Variants in RFX2 observed in about 807,000 individuals in gnomAD.
The protein encoded by RFX2 is DNA-binding protein RFX2.
A neutral mutation model predicts 87.8 loss-of-function variants in RFX2; 20 were observed. The observed-to-expected ratio is 0.23, with a 90% CI of 0.16 to 0.33. The LOEUF is 0.33. RFX2 is among the 10% of genes least tolerant of loss of function. RFX2 has a pLI of 1.00. For missense variants in RFX2, 767 were observed against 1,012.3 expected (o/e 0.76, Z 3.29); for synonymous variants, 397 against 431.3 (o/e 0.92, Z 0.98).
In RFX2 at chr19:6,024,489, G is replaced by A. The variant is rs998593420; in HGVS notation, c.597+1674C>T. Among the ~76,000 whole-genome samples the A allele has an allele frequency of 2.0e-5, 3 of 152,114 alleles. No homozygotes were observed. Among genetic ancestry groups the A allele is most frequent in the Non-Finnish European group, 2.9e-5 (2 of 68,024 alleles). On this transcript the variant is annotated intron_variant, in intron 6 of 17. Coordinates refer to ENST00000303657, the MANE Select transcript of RFX2 (RefSeq NM_000635.4). This position sits in a 1 kb window ranked among gnomAD's most constrained non-coding sequence, Gnocchi z 5.0. Reference sequence around the variant, plus strand: ...TTGTCTTTTTTGCTTCAAGACAATCGGCAGAAGGAAATATTTCTGCCATTT... The same window carrying A: ...TTGTCTTTTTTGCTTCAAGACAATCAGCAGAAGGAAATATTTCTGCCATTT...
At chr19:6,043,785 G>C (rs1599878163) in intron 3 of RFX2, among the ~76,000 whole-genome samples, 2 of 152,232 alleles carry the variant, frequency 1.3e-5, no homozygotes, top group East Asian at 3.8e-4. Flanking sequence ...TTCAAACTTT[G>C]TTCTTAGATA....
At chr19:6,072,766 G>C (rs1027751113) in intron 1 of RFX2, 13 of 627,068 alleles carry the variant, frequency 2.1e-5, no homozygotes, top group African/African-American at 3.8e-5. Context: ...AGAAAAAAAA[G>C]GCCCCTCTCT....
At chr19:6,107,977 A>C (rs1413282603) in intron 1 of RFX2, among the ~76,000 whole-genome samples, 1 of 152,234 alleles carries the variant, frequency 6.6e-6, no homozygotes, top group Non-Finnish European at 1.5e-5. Flanking sequence ...ATTTCAAAGA[A>C]CTTGTCCTGT....
rs528490243 is a variant in RFX2, at chr19:6,080,759, G to A, written c.-9+29634C>T. On this transcript the variant is annotated intron_variant, in intron 1 of 17. Transcript: ENST00000303657. ...GAGTTTTAAAATTCCAATTGCTGTCGGGGCTCAGTGGCTTATGCTTGTAAT... is the reference window on the plus strand; with the variant it reads ...GAGTTTTAAAATTCCAATTGCTGTCAGGGCTCAGTGGCTTATGCTTGTAAT... 2.3e-3 allele frequency among the ~76,000 whole-genome samples: 352 copies of A among 152,176 alleles called. 2 individuals are homozygous for A. Among genetic ancestry groups the A allele is most frequent in the Non-Finnish European group, 4.2e-3 (287 of 68,000 alleles).
intron 12 of RFX2, among the ~76,000 whole-genome samples, chr19:6,006,610 C>T (rs568462192): frequency 3.9e-5 from 6 of 151,950 alleles, no homozygotes; most frequent in East Asian, 1.9e-4. Flanking sequence ...CCACCATGCC[C>T]GGCTAAATCT....
chr19:6,052,864 T>A (rs772090719), intron 1 of RFX2, among the ~76,000 whole-genome samples: 2 of 152,086 alleles, frequency 1.3e-5, no homozygotes, highest in African/African-American at 2.4e-5. Flanking sequence ...ACACTTTGTA[T>A]CAAAATTTGT....
Position 6,002,990 on chromosome 19 carries a change from C to G in RFX2, c.1501-120G>C. The G allele has an allele frequency of 8.6e-7, 1 of 1,160,028 alleles. No homozygotes were observed. The highest frequency in any genetic ancestry group is 1.2e-6 in the Non-Finnish European group (1 of 832,026). 71.9% of individuals were successfully genotyped at this position (1,160,028 alleles called of 1,614,324 possible). ...GGAGGAGGGAGCAGGAAACAGCAAC[C>G]TGGGCAGGGAAGAGGGAACCTCCTG... On this transcript the variant is annotated intron_variant, in intron 13 of 17. Coordinates refer to ENST00000303657, the MANE Select transcript of RFX2 (RefSeq NM_000635.4). The surrounding 1 kb of genome is among the most constrained non-coding windows in gnomAD (Gnocchi z 6.7).
chr19:6,093,830 A>G (rs917688174), intron 1 of RFX2, among the ~76,000 whole-genome samples: 7 of 152,220 alleles, frequency 4.6e-5, no homozygotes, highest in Admixed American at 2.6e-4. Flanking sequence ...TGCTAAAAAC[A>G]GCCAGTCACA....
At chr19:6,098,965 CAAAAAAA>C (rs34110529) in intron 1 of RFX2, among the ~76,000 whole-genome samples, 29 of 52,792 alleles carry the variant, frequency 5.5e-4, no homozygotes, top group African/African-American at 1.3e-3. Context: ...GCTTGAACCA[CAAAAAAA>C]AAAAAAAAAA....
At position 6,026,695 on chromosome 19, in the gene RFX2, C is replaced by T. The variant is rs1047013515; in HGVS notation, c.523-458G>A. On this transcript the variant is annotated intron_variant, in intron 5 of 17. Transcript: ENST00000303657. This position sits in a 1 kb window ranked among gnomAD's most constrained non-coding sequence, Gnocchi z 4.5. ...TGACTCCCCAGCCAGGCTGTCCTGT[C>T]GCAAATCCCAGGGTCTCCCCGCTGC... The T allele has an allele frequency of 1.6e-5, 3 of 186,366 alleles. No individual in the cohort carries two copies. The highest frequency in any genetic ancestry group is 9.0e-5 in the South Asian group (1 of 11,142). The allele number at this position is 186,366 out of a possible 1,614,324, so 11.5% of individuals were successfully genotyped here. A position where few individuals can be genotyped will look rare whatever the true frequency, so the allele number is the denominator to read the frequency against.
chr19:6,088,121 A>G (rs2087880311), intron 1 of RFX2, among the ~76,000 whole-genome samples: 2 of 150,306 alleles, frequency 1.3e-5, no homozygotes, highest in Admixed American at 1.3e-4. Context: ...AGCCCTTCCC[A>G]GCCCAGAGTG....
chr19:6,059,177 G>T (rs1396391221), intron 1 of RFX2, among the ~76,000 whole-genome samples: 1 of 152,038 alleles, frequency 6.6e-6, no homozygotes, highest in East Asian at 1.9e-4. Flanking sequence ...CAGGGGTCTT[G>T]CTATGTTGCC....
At chr19:6,028,765 A>G (rs2086920325) in intron 5 of RFX2, among the ~76,000 whole-genome samples, 1 of 152,060 alleles carries the variant, frequency 6.6e-6, no homozygotes, top group Non-Finnish European at 1.5e-5. Flanking sequence ...TCACTAGCTG[A>G]CCACTAAGGT....
intron 4 of RFX2, 103 bp downstream of exon 4, chr19:6,041,941 G>A (rs536936010): frequency 2.5e-5 from 22 of 879,162 alleles, no homozygotes; most frequent in South Asian, 1.2e-4. Flanking sequence ...TGAACACATC[G>A]CCAAAAGCAT....
intron 1 of RFX2, among the ~76,000 whole-genome samples, chr19:6,087,694 C>G (rs1380993141): frequency 2.6e-5 from 4 of 152,162 alleles, no homozygotes; most frequent in African/African-American, 4.8e-5. Context: ...CCAGCTACAA[C>G]AAAAGATTCA....
chr19:6,004,254 C>A lies in RFX2; in HGVS notation c.1447G>T (p.Gly483Cys). ...TCACTCATGGCATTTGTCAACCAGCCTTCCAAGCTCTTGGCAAAGTTACGG... is the reference window on the plus strand; with the variant it reads ...TCACTCATGGCATTTGTCAACCAGCATTCCAAGCTCTTGGCAAAGTTACGG... ...AIRNFAKSLE[G>C]WLTNAMSDFP... The change falls in exon 13 of 18, where the codon GGC becomes TGC. Residue 483 changes from glycine to cysteine, a missense_variant. By Grantham distance (159) the Gly-to-Cys change is radical (BLOSUM62 -3). Transcript: ENST00000303657. The surrounding 1 kb of genome is among the most constrained non-coding windows in gnomAD (Gnocchi z 4.8). 6.2e-7 allele frequency: 1 copy of A among 1,613,902 alleles called. No individual in the cohort carries two copies.
chr19:6,047,518 G>T lies in RFX2; in HGVS notation c.-8-14C>A. ...GCATGCTCAGGTCTAAAGAAAGGCG[G>T]AGAGAGATTGGGTGGGCAAGGGCTG... is the stretch of plus-strand genomic sequence containing the variant. On this transcript the variant is annotated splice_polypyrimidine_tract_variant and intron_variant, in intron 1 of 17. Coordinates refer to ENST00000303657, the MANE Select transcript of RFX2 (RefSeq NM_000635.4). This position sits in a 1 kb window ranked among gnomAD's most constrained non-coding sequence, Gnocchi z 4.2. 1 of 1,590,162 alleles carries T rather than the reference G, an allele frequency of 6.3e-7. No individual in the cohort carries two copies.
intron 5 of RFX2, among the ~76,000 whole-genome samples, chr19:6,029,857 G>A (rs2086934107): frequency 6.6e-6 from 1 of 152,174 alleles, no homozygotes; most frequent in Admixed American, 6.5e-5. Flanking sequence ...CTTCACTAGG[G>A]GAGGTTCAAC....
At chr19:6,037,619 TAGTCAAAATCTC>T (rs1014628683) in intron 5 of RFX2, among the ~76,000 whole-genome samples, 1 of 152,218 alleles carries the variant, frequency 6.6e-6, no homozygotes, top group Non-Finnish European at 1.5e-5. Flanking sequence ...CAGTGCAAAT[TAGTCAAAATCTC>T]AGTAGCATTT....
Sources: gnomAD v4.1 joint callset for allele counts (sites outside exome capture counted in the v4.1 genomes callset) on GRCh38, gnomAD v4.1.1 for gene constraint, Gnocchi (gnomAD v3.1) non-coding constraint, MANE v1.5 for transcripts, NCBI Gene and HGNC (gene_info 2026-07-23, HGNC 2026-07-21) for gene names.